Variants in TF observed in about 807,000 individuals in gnomAD.
TF encodes serotransferrin.
Under a neutral mutation model 82.4 loss-of-function variants are expected in TF, and 55 were observed. The ratio of observed to expected loss-of-function variants is 0.67; its 90% CI spans 0.54 to 0.84. The LOEUF is 0.84. TF is among the 40% of genes least tolerant of loss of function. TF has a pLI of 0.00. For missense variants in TF, 737 were observed against 868.4 expected, an observed-to-expected ratio of 0.85 and a Z score of 1.90; for synonymous variants, 332 against 332.6, an observed-to-expected ratio of 1.00 and a Z score of 0.02.
In TF at chr3:133,755,455, T is replaced by C; in HGVS notation, c.595T>C (p.Ser199Pro). The C allele has an allele frequency of 6.2e-7, 1 of 1,614,128 alleles. No individual in the cohort carries two copies. Among genetic ancestry groups the C allele is most frequent in the Non-Finnish European group, 8.5e-7 (1 of 1,179,968 alleles). The change falls in exon 5 of 17, where the codon TCC (serine) becomes CCC (proline). Residue 199 changes from serine to proline, a missense_variant. Ser to Pro is a moderately conservative substitution (Grantham distance 74, BLOSUM62 -1). Coordinates refer to ENST00000402696, the MANE Select transcript of TF (RefSeq NM_001063.4). ...LCQLCPGCGC[S>P]TLNQYFGYSG... The stretch of plus-strand genomic sequence containing the variant: ...TCAACTGTGTCCAGGGTGTGGCTGC[T>C]CCACCCTTAACCAATACTTCGGCTA...
At chr3:133,752,888 A>C (rs1933716482) in intron 2 of TF, among the ~76,000 whole-genome samples, 1 of 152,226 alleles carries the variant, frequency 6.6e-6, no homozygotes, top group African/African-American at 2.4e-5. Flanking sequence ...AATAATAATC[A>C]AGCTTTTGAT....
chr3:133,734,166 A>G, the TF span, among the ~76,000 whole-genome samples: 2 of 152,216 alleles, frequency 1.3e-5, no homozygotes, highest in African/African-American at 4.8e-5. Flanking sequence ...TGGGACAGGT[A>G]TAGACGTGTG....
the TF span, among the ~76,000 whole-genome samples, chr3:133,693,671 C>G: frequency 6.6e-6 from 1 of 152,188 alleles, no homozygotes; most frequent in Non-Finnish European, 1.5e-5. Context: ...CTCCTACCCC[C>G]TCCTCGACAA....
intron 14 of TF, among the ~76,000 whole-genome samples, chr3:133,771,845 A>G (rs1000260914): frequency 6.6e-6 from 1 of 151,992 alleles, no homozygotes; most frequent in African/African-American, 2.4e-5. Flanking sequence ...AAGCAAAACA[A>G]ACATTGGCCA....
At chr3:133,697,639 G>T in the TF span, among the ~76,000 whole-genome samples, 24 of 152,310 alleles carry the variant, frequency 1.6e-4, no homozygotes, top group East Asian at 4.6e-3. Context: ...CTGGGCTGCT[G>T]CTGCCCCCCT....
chr3:133,708,329 G>A, the TF span, among the ~76,000 whole-genome samples: 20 of 152,196 alleles, frequency 1.3e-4, no homozygotes, highest in South Asian at 2.7e-3. Flanking sequence ...GCAAGACTCC[G>A]TCTCAAAAAA....
At chr3:133,736,668 T>A in the TF span, among the ~76,000 whole-genome samples, 1 of 133,820 alleles carries the variant, frequency 7.5e-6, no homozygotes, top group African/African-American at 2.8e-5. Context: ...GTTACAATCT[T>A]AGTCTCTGAT....
chr3:133,663,170 T>G, the TF span, among the ~76,000 whole-genome samples: 1 of 152,078 alleles, frequency 6.6e-6, no homozygotes, highest in Non-Finnish European at 1.5e-5. Flanking sequence ...TCTTAGTAAT[T>G]TTTTATCCAG....
chr3:133,740,909 T>TG, the TF span, among the ~76,000 whole-genome samples: 17 of 147,148 alleles, frequency 1.2e-4, 1 homozygote, highest in East Asian at 3.0e-3. Context: ...GCATTTTTCA[T>TG]GTTTTTTTTT....
At chr3:133,732,720 G>A in the TF span, among the ~76,000 whole-genome samples, 2 of 152,186 alleles carry the variant, frequency 1.3e-5, no homozygotes, top group South Asian at 2.1e-4. Flanking sequence ...TCAGAAGGAA[G>A]AAACTCTTGA....
In TF at chr3:133,756,263, A is replaced by C. The variant is rs747704795; in HGVS notation, c.636-19A>C. ...GGCCTGCCCTGCAGGAGCCCTGCTG[A>C]TGTGTTTCTTTGACCCAGGTGTCTG... On this transcript the variant is annotated intron_variant, in intron 5 of 16. Transcript: ENST00000402696. The C allele has an allele frequency of 6.2e-7, 1 of 1,613,678 alleles. No individual in the cohort carries two copies. The highest frequency in any genetic ancestry group is 8.5e-7 in the Non-Finnish European group (1 of 1,179,880).
In TF at chr3:133,789,584, G is replaced by A. The variant is rs1371133459; in HGVS notation, c.*10964G>A. The A allele has an allele frequency of 6.6e-6, 1 of 152,190 alleles. No homozygotes were observed. Among genetic ancestry groups the A allele is most frequent in the Non-Finnish European group, 1.5e-5 (1 of 68,030 alleles). The allele number at this position is 152,190 out of a possible 1,614,324, so 9.4% of individuals were successfully genotyped here. A position where few individuals can be genotyped will look rare whatever the true frequency, so the allele number is the denominator to read the frequency against. On this transcript the variant is annotated 3_prime_UTR_variant, in exon 17 of 17. Coordinates refer to ENST00000402696, the MANE Select transcript of TF (RefSeq NM_001063.4). ...TGTGTGTATACACATGTCTAGATGT[G>A]TTTATTTGCACATTTGTTATATGTT...
intron 5 of TF, 56 bp from the exon 6 acceptor site, chr3:133,756,226 G>C: frequency 4.5e-6 from 7 of 1,544,664 alleles, no homozygotes; most frequent in Non-Finnish European, 6.2e-6. Context: ...GACTCTCCAG[G>C]TGCAGGAGAA....
chr3:133,671,392 G>C, the TF span, among the ~76,000 whole-genome samples: 6 of 151,964 alleles, frequency 3.9e-5, no homozygotes, highest in Admixed American at 3.9e-4. Flanking sequence ...AATATATCAA[G>C]AAAAGGAATA....
the TF span, among the ~76,000 whole-genome samples, chr3:133,675,242 CAAA>C: frequency 0.23 from 12,291 of 53,358 alleles, 184 homozygotes; most frequent in Non-Finnish European, 0.29. Flanking sequence ...GAGACTCTGT[CAAA>C]AAAAAAAAAA....
At chr3:133,761,015 A>T (rs555324067) in intron 9 of TF, 4 of 154,068 alleles carry the variant, frequency 2.6e-5, no homozygotes, top group East Asian at 1.9e-4. Flanking sequence ...GAAGCCACTG[A>T]CCTGTCCCAA....
chr3:133,706,580 A>G, the TF span, among the ~76,000 whole-genome samples: 1 of 152,090 alleles, frequency 6.6e-6, no homozygotes, highest in East Asian at 1.9e-4. Context: ...GGGGCTAGCA[A>G]TCTATGTTTT....
In TF at chr3:133,757,816, T is replaced by C; in HGVS notation, c.918T>C (p.Ser306=). ...DKSKEFQLFS[S]PHGKDLLFKD... ...CAAAAGAATTCCAACTATTCAGCTC[T>C]CCTCATGGGAAGGACCTGCTGTTTA... Residue 306 remains serine (S), a synonymous_variant, in exon 8 of 17, where the codon TCT becomes TCC. Transcript: ENST00000402696. 6.2e-7 allele frequency: 1 copy of C among 1,614,216 alleles called. No homozygotes were observed. Among genetic ancestry groups the C allele is most frequent in the Non-Finnish European group, 8.5e-7 (1 of 1,180,028 alleles).
At chr3:133,745,390 C>T (rs569290089), upstream of TF, among the ~76,000 whole-genome samples, 5 of 152,284 alleles carry the variant, frequency 3.3e-5, no homozygotes, top group South Asian at 6.2e-4. Flanking sequence ...TGTATAAGGC[C>T]GCATAAGCAA....
Sources: gnomAD v4.1 joint callset for allele counts (sites outside exome capture counted in the v4.1 genomes callset) on GRCh38, gnomAD v4.1.1 for gene constraint, MANE v1.5 for transcripts, NCBI Gene and HGNC (gene_info 2026-07-23, HGNC 2026-07-21) for gene names.